The following NCAM2 variants were observed in gnomAD, a reference collection of about 807,000 sequenced individuals.
The protein encoded by NCAM2 is N-CAM-2.
NCAM2 carries 30 observed loss-of-function variants against 98.1 expected under a neutral mutation model. The ratio of observed to expected loss-of-function variants is 0.31; its 90% confidence interval spans 0.23 to 0.41. NCAM2 has a LOEUF of 0.41. NCAM2 is among the 10% of genes least tolerant of loss of function. NCAM2 has a pLI of 1.00. For synonymous variants in NCAM2, 368 were observed against 342.4 expected (o/e 1.07, Z -0.83); for missense variants, 867 against 1,005.8 (o/e 0.86, Z 1.87).
chr21:21,099,551 C>G (rs1345119648), intron 1 of NCAM2, among the ~76,000 whole-genome samples: 1 of 151,850 alleles, frequency 6.6e-6, no homozygotes. Context: ...TGAAAACTCA[C>G]TCACTATCAT....
intron 1 of NCAM2, among the ~76,000 whole-genome samples, chr21:21,208,860 A>G (rs971956803): frequency 6.6e-6 from 1 of 152,092 alleles, no homozygotes; most frequent in Admixed American, 6.5e-5. Flanking sequence ...ATTATCTTAT[A>G]TTTATAAATA....
chr21:21,189,159 T>C (rs549099971), intron 1 of NCAM2, among the ~76,000 whole-genome samples: 13 of 152,318 alleles, frequency 8.5e-5, no homozygotes, highest in African/African-American at 2.6e-4. Flanking sequence ...TTTAATCCCA[T>C]AGAAAATAAT....
intron 16 of NCAM2, among the ~76,000 whole-genome samples, chr21:21,524,423 GAAAA>G (rs34970781): frequency 3.1e-4 from 40 of 129,046 alleles, no homozygotes; most frequent in African/African-American, 9.9e-4. Context: ...TCAGCAAGCA[GAAAA>G]AAAAAAAAAA....
chr21:21,323,067 C>G (rs1031476215), intron 5 of NCAM2, among the ~76,000 whole-genome samples: 5 of 152,066 alleles, frequency 3.3e-5, no homozygotes, highest in Non-Finnish European at 5.9e-5. Context: ...GAATGAAAAA[C>G]CTTTACTGTA....
At position 21,284,201 on chromosome 21, in the gene NCAM2, T is replaced by A; in HGVS notation, c.138T>A (p.Gly46=). ...ESKFFTCTAI[G]EPESIDWYNP... is the part of the protein sequence containing the mutation. The stretch of plus-strand genomic sequence containing the variant: ...TTCCATGGCTCTTTGCAGCGATTGG[T>A]GAACCTGAAAGTATAGATTGGTATA... Residue 46 remains glycine, a synonymous_variant, in exon 3 of 18, where the codon GGT becomes GGA. Transcript: ENST00000400546. 3 of 1,610,758 alleles carry A rather than the reference T, an allele frequency of 1.9e-6. No homozygotes were observed. The highest frequency in any genetic ancestry group is 1.7e-6 in the Non-Finnish European group (2 of 1,177,326).
At chr21:21,285,059 A>G (rs1463613044) in intron 3 of NCAM2, among the ~76,000 whole-genome samples, 2 of 151,788 alleles carry the variant, frequency 1.3e-5, no homozygotes, top group Non-Finnish European at 2.9e-5. Context: ...CGTGACCTTG[A>G]GCAAATCATG....
At chr21:21,298,803 G>A (rs73320656) in intron 5 of NCAM2, among the ~76,000 whole-genome samples, 1,981 of 151,636 alleles carry the variant, frequency 0.013, 44 homozygotes, top group African/African-American at 0.046. Flanking sequence ...TTGAAAAGCT[G>A]TAGAAAAGCA....
chr21:21,007,686 T>C (rs1052157711), intron 1 of NCAM2, among the ~76,000 whole-genome samples: 1 of 152,164 alleles, frequency 6.6e-6, no homozygotes, highest in African/African-American at 2.4e-5. Flanking sequence ...TAAGGTACTA[T>C]GAGCTGTGAG....
intron 8 of NCAM2, among the ~76,000 whole-genome samples, chr21:21,346,650 A>C (rs1034283689): frequency 6.6e-6 from 1 of 152,204 alleles, no homozygotes; most frequent in African/African-American, 2.4e-5. Flanking sequence ...CAAATGTTAA[A>C]ATATTTAAAA....
intron 14 of NCAM2, among the ~76,000 whole-genome samples, chr21:21,473,771 C>T (rs1020480518): frequency 6.6e-6 from 1 of 151,710 alleles, no homozygotes; most frequent in South Asian, 2.1e-4. Flanking sequence ...AAAATAGTGA[C>T]CCTTACACCT....
chr21:21,510,050 AATTAAC>A (rs1381687450), intron 16 of NCAM2, among the ~76,000 whole-genome samples: 3 of 152,158 alleles, frequency 2.0e-5, no homozygotes, highest in Admixed American at 6.6e-5. Context: ...TGGGTTCCAC[AATTAAC>A]ATTTTGTGCT....
chr21:21,000,152 A>G (rs181294530), intron 1 of NCAM2, among the ~76,000 whole-genome samples: 1 of 152,198 alleles, frequency 6.6e-6, no homozygotes, highest in African/African-American at 2.4e-5. Context: ...TGTCCTACAG[A>G]TATGCTTCTT....
At chr21:21,512,297 A>G (rs1988437788) in intron 16 of NCAM2, among the ~76,000 whole-genome samples, 1 of 152,008 alleles carries the variant, frequency 6.6e-6, no homozygotes, top group African/African-American at 2.4e-5. Context: ...GTCTACATTC[A>G]TCATCTATAT....
chr21:21,506,887 C>T (rs538585113), intron 15 of NCAM2, among the ~76,000 whole-genome samples: 1 of 151,986 alleles, frequency 6.6e-6, no homozygotes, highest in East Asian at 1.9e-4. Flanking sequence ...AAAAATTATA[C>T]TTGCTTGGAC....
chr21:21,193,893 C>T (rs1191218201), intron 1 of NCAM2, among the ~76,000 whole-genome samples: 2 of 152,092 alleles, frequency 1.3e-5, no homozygotes. Flanking sequence ...GAGAATATAA[C>T]TGTTACAATT....
Position 21,052,239 on chromosome 21 carries a change from C to T in NCAM2, c.55+53621C>T, listed in dbSNP as rs1272170158. On this transcript the variant is annotated intron_variant, in intron 1 of 17. Transcript: ENST00000400546. ...CTGGCACTGGCAACATCTCGGCCCACTGCAAGCTCCGCCTCCCGGGTTCAC... is the reference window on the plus strand; with the variant it reads ...CTGGCACTGGCAACATCTCGGCCCATTGCAAGCTCCGCCTCCCGGGTTCAC... Among the ~76,000 whole-genome samples the T allele has an allele frequency of 9.2e-4, 135 of 147,538 alleles. 2 individuals carry two copies. Among genetic ancestry groups the T allele is most frequent in the Non-Finnish European group, 2.7e-4 (18 of 67,520 alleles).
intron 1 of NCAM2, among the ~76,000 whole-genome samples, chr21:21,046,281 G>C (rs1379900056): frequency 6.6e-6 from 1 of 152,134 alleles, no homozygotes; most frequent in African/African-American, 2.4e-5. Context: ...GTTTATCTCA[G>C]TGTCATGCAA....
At chr21:21,529,198 C>A (rs1453722838) in intron 16 of NCAM2, among the ~76,000 whole-genome samples, 1 of 151,988 alleles carries the variant, frequency 6.6e-6, no homozygotes, top group Non-Finnish European at 1.5e-5. Flanking sequence ...TGAAATATTA[C>A]ATGAATACCC....
chr21:21,462,178 C>A lies in NCAM2; in HGVS notation c.1655-4428C>A, dbSNP rs977142434. ...TTACCCTTGCTAAGCTTTGTAATTT[C>A]TCATAGCTCTCTGAGTTGTTGCACA... is the stretch of plus-strand genomic sequence containing the variant. On this transcript the variant is annotated intron_variant, in intron 12 of 17. Transcript: ENST00000400546. Among the ~76,000 whole-genome samples the A allele has an allele frequency of 2.6e-5, 4 of 151,932 alleles. No individual in the cohort carries two copies. The East Asian group carries it at 5.8e-4, about 22-fold the overall frequency.
Sources: gnomAD v4.1 joint callset for allele counts (sites outside exome capture counted in the v4.1 genomes callset) on GRCh38, gnomAD v4.1.1 for gene constraint, MANE v1.5 for transcripts, NCBI Gene and HGNC (gene_info 2026-07-23, HGNC 2026-07-21) for gene names.